Variants in RALA observed in about 807,000 individuals in gnomAD.
RALA encodes the protein ras-related protein Ral-A.
Under a neutral mutation model 24.0 loss-of-function variants are expected in RALA, and 5 were observed. The observed-to-expected ratio is 0.21, with a 90% confidence interval of 0.11 to 0.44. The LOEUF (loss-of-function observed/expected upper bound fraction) is 0.44. RALA is among the 20% of genes least tolerant of loss of function. The probability of loss-of-function intolerance (pLI) is 0.99; values close to 1 mark genes in which losing one functional copy is unlikely to be tolerated. For missense variants in RALA, 95 were observed against 241.2 expected (o/e 0.39, Z 4.01); for synonymous variants, 77 against 83.8 (o/e 0.92, Z 0.44).
chr7:39,677,232 C>A (rs1792502787), intron 1 of RALA, among the ~76,000 whole-genome samples: 1 of 152,194 alleles, frequency 6.6e-6, no homozygotes, highest in Non-Finnish European at 1.5e-5. Context: ...CTGTTGGCAT[C>A]TTCTTTTTAG....
intron 4 of RALA, among the ~76,000 whole-genome samples, chr7:39,697,088 T>C (rs1175246357): frequency 6.6e-6 from 1 of 152,224 alleles, no homozygotes; most frequent in African/African-American, 2.4e-5. Flanking sequence ...GTACTTTTTT[T>C]CTTTTTAAAG....
At chr7:39,676,187 G>A (rs1381590780) in intron 1 of RALA, among the ~76,000 whole-genome samples, 1 of 152,138 alleles carries the variant, frequency 6.6e-6, no homozygotes, top group Non-Finnish European at 1.5e-5. Context: ...GTGTTAGCCA[G>A]GATGGTCTCG....
At chr7:39,669,360 T>C (rs897381007) in intron 1 of RALA, among the ~76,000 whole-genome samples, 1 of 151,750 alleles carries the variant, frequency 6.6e-6, no homozygotes, top group South Asian at 2.1e-4. Context: ...AATATAGTCA[T>C]AGGAAAAAGA....
intron 1 of RALA, among the ~76,000 whole-genome samples, chr7:39,650,456 A>G (rs866071297): frequency 6.6e-6 from 1 of 152,214 alleles, no homozygotes; most frequent in Non-Finnish European, 1.5e-5. Flanking sequence ...AAAAGATAGG[A>G]TGAAATATGA....
At chr7:39,685,842 C>T (rs1792691079) in intron 1 of RALA, among the ~76,000 whole-genome samples, 1 of 152,102 alleles carries the variant, frequency 6.6e-6, no homozygotes, top group Non-Finnish European at 1.5e-5. Flanking sequence ...TCAATGAGGT[C>T]CTTAATGTGA....
intron 4 of RALA, among the ~76,000 whole-genome samples, chr7:39,697,782 G>T (rs907060075): frequency 6.6e-6 from 1 of 152,104 alleles, no homozygotes; most frequent in African/African-American, 2.4e-5. Flanking sequence ...TTTGAGATTT[G>T]TTCTGTTATT....
In RALA at chr7:39,690,438, A is replaced by G; in HGVS notation, c.171A>G (p.Leu57=). Residue 57 remains leucine (L), a synonymous_variant, in exon 3 of 5, where the codon CTA becomes CTG. Coordinates refer to ENST00000005257, the MANE Select transcript of RALA (RefSeq NM_005402.4). ...KADSYRKKVV[L]DGEEVQIDIL... is the part of the protein sequence containing the mutation. ...ACAGCTATCGGAAGAAGGTAGTGCTAGATGGGGAGGAAGTCCAGATCGATA... is the reference window on the plus strand; with the variant it reads ...ACAGCTATCGGAAGAAGGTAGTGCTGGATGGGGAGGAAGTCCAGATCGATA... 1 of 1,614,098 alleles carries G rather than the reference A, an allele frequency of 6.2e-7. No individual in the cohort carries two copies. The highest frequency in any genetic ancestry group is 2.2e-5 in the East Asian group (1 of 44,884).
chr7:39,675,014 C>T (rs1248648754), intron 1 of RALA, among the ~76,000 whole-genome samples: 9 of 151,866 alleles, frequency 5.9e-5, no homozygotes, highest in Admixed American at 3.3e-4. Flanking sequence ...TCAGTGGAGA[C>T]GGGGTTTCAC....
chr7:39,662,192 G>A (rs756801573), intron 1 of RALA, among the ~76,000 whole-genome samples: 1 of 152,104 alleles, frequency 6.6e-6, no homozygotes, highest in Non-Finnish European at 1.5e-5. Context: ...CCTCAGGCCT[G>A]TGATGGGAGA....
intron 1 of RALA, among the ~76,000 whole-genome samples, chr7:39,648,175 G>C (rs1011398997): frequency 5.9e-5 from 9 of 152,198 alleles, no homozygotes; most frequent in Admixed American, 5.9e-4. Flanking sequence ...CAGTGGCCTG[G>C]GTTCAGTCCT....
intron 1 of RALA, among the ~76,000 whole-genome samples, chr7:39,653,038 A>T (rs151037636): frequency 0.049 from 7,136 of 145,202 alleles, 173 homozygotes; most frequent in South Asian, 0.071. Flanking sequence ...TATTATTATT[A>T]TTATTTTTTG....
At chr7:39,701,372 G>A (rs1793023892) in intron 4 of RALA, among the ~76,000 whole-genome samples, 1 of 152,198 alleles carries the variant, frequency 6.6e-6, no homozygotes, top group Non-Finnish European at 1.5e-5. Context: ...CTAGCCAGGT[G>A]TGGTGGCGAA....
intron 1 of RALA, among the ~76,000 whole-genome samples, chr7:39,628,691 G>T (rs1456883694): frequency 6.6e-6 from 1 of 152,182 alleles, no homozygotes; most frequent in Non-Finnish European, 1.5e-5. Flanking sequence ...GAGTAGCTGG[G>T]ATTACAGGCA....
chr7:39,674,260 G>A (rs1792440588), intron 1 of RALA, among the ~76,000 whole-genome samples: 1 of 152,032 alleles, frequency 6.6e-6, no homozygotes, highest in South Asian at 2.1e-4. Flanking sequence ...TGGGTTTTAA[G>A]ACAGTTTCCA....
chr7:39,699,125 T>A (rs887309390), intron 4 of RALA, among the ~76,000 whole-genome samples: 1 of 101,508 alleles, frequency 9.9e-6, no homozygotes, highest in African/African-American at 4.6e-5. Flanking sequence ...AATGTTATTT[T>A]TTTTTTTTTT....
chr7:39,692,758 T>C (rs930555000), intron 3 of RALA, among the ~76,000 whole-genome samples: 13 of 152,176 alleles, frequency 8.5e-5, no homozygotes, highest in Non-Finnish European at 1.6e-4. Flanking sequence ...TAGGTATTTA[T>C]TAAGAAATAA....
chr7:39,652,316 GACAA>G (rs1251856869), intron 1 of RALA, among the ~76,000 whole-genome samples: 5 of 152,172 alleles, frequency 3.3e-5, no homozygotes, highest in Non-Finnish European at 7.3e-5. Flanking sequence ...CATGAGTTGG[GACAA>G]ACATTCAAAC....
rs7788134 is a variant in RALA at position 39,626,520 on chromosome 7, G to A, written c.-38+2695G>A. On this transcript the variant is annotated intron_variant, in intron 1 of 4. Transcript: ENST00000005257. ...TCCTCTCTCTTGGACATCAAGTGTG[G>A]CCTGGGGTTGCCAGCAGTCCTGGCC... Among the ~76,000 whole-genome samples, 1,264 of 152,312 alleles carry A rather than the reference G, an allele frequency of 8.3e-3. 14 individuals are homozygous for A. The highest frequency in any genetic ancestry group is 0.028 in the African/African-American group (1,184 of 41,562).
intron 1 of RALA, among the ~76,000 whole-genome samples, chr7:39,679,769 G>GTGCGC (rs1792555068): frequency 6.6e-6 from 1 of 151,828 alleles, no homozygotes; most frequent in Non-Finnish European, 1.5e-5. Context: ...GGAGTGCAAT[G>GTGCGC]GCGCAGTCTT....
Sources: allele counts gnomAD v4.1 joint callset (sites outside exome capture counted in the v4.1 genomes callset), GRCh38; gene constraint gnomAD v4.1.1; transcripts MANE v1.5; gene names NCBI Gene and HGNC (gene_info 2026-07-23, HGNC 2026-07-21).